CHRNA4: variants seen among roughly 807,000 people sequenced by gnomAD.
CHRNA4 encodes the protein neuronal acetylcholine receptor subunit alpha-4.
In CHRNA4, 28 loss-of-function variants were observed where a neutral mutation model predicts 48.9. The observed-to-expected ratio is 0.57, with a 90% confidence interval of 0.42 to 0.79. The LOEUF is 0.79. Among genes scored for constraint, CHRNA4 ranks in the 30% least tolerant of loss-of-function variants. The pLI is 0.00. For synonymous variants in CHRNA4, 425 were observed against 402.3 expected, an observed-to-expected ratio of 1.06 and a Z score of -0.68; for missense variants, 859 against 898.4, an observed-to-expected ratio of 0.96 and a Z score of 0.56.
rs1491525381 is a variant in CHRNA4 at position 63,351,216 on chromosome 20, G to GCCCACGTCCACA, written c.384-190_384-189insTGTGGACGTGGG. 3 of 424,884 alleles carry GCCCACGTCCACA rather than the reference G, an allele frequency of 7.1e-6. No individual in the cohort carries two copies. In the African/African-American group the frequency reaches 1.2e-4, roughly 16 times the overall value. The allele number at this position is 424,884 out of a possible 1,614,324, so 26.3% of individuals were successfully genotyped here. On this transcript the variant is annotated intron_variant, in intron 4 of 5. Coordinates refer to ENST00000370263, the MANE Select transcript of CHRNA4 (RefSeq NM_000744.7). The stretch of plus-strand genomic sequence containing the variant: ...CGCCCACATCCACACCCACGTCCAC[G>GCCCACGTCCACA]TCCACGCCCACATCCACACCCACGT...
chr20:63,344,615 C>T lies in CHRNA4; in HGVS notation c.*2123G>A, dbSNP rs200364373. On this transcript the variant is annotated 3_prime_UTR_variant, in exon 6 of 6. Coordinates refer to ENST00000370263, the MANE Select transcript of CHRNA4 (RefSeq NM_000744.7). This position sits in a 1 kb window ranked among gnomAD's most constrained non-coding sequence, Gnocchi z 4.5. ...TCACTCCTGACCCAGAAAAGAACAACCACAGCTGGGCCCAGCACCCCGGGC... is the reference window on the plus strand; with the variant it reads ...TCACTCCTGACCCAGAAAAGAACAATCACAGCTGGGCCCAGCACCCCGGGC... The T allele has an allele frequency of 4.4e-6, 2 of 453,660 alleles. No individual in the cohort carries two copies. Among genetic ancestry groups the T allele is most frequent in the South Asian group, 1.6e-5 (1 of 64,468 alleles). The allele number at this position is 453,660 out of a possible 1,614,324, so 28.1% of individuals were successfully genotyped here.
At chr20:63,353,689 A>AGG (rs2068656532) in intron 4 of CHRNA4, among the ~76,000 whole-genome samples, 1 of 12,026 alleles carries the variant, frequency 8.3e-5, no homozygotes. Context: ...CAGTCCTAGG[A>AGG]GGCTGTGGTC....
chr20:63,351,702 G>A (rs2068618913), intron 4 of CHRNA4, among the ~76,000 whole-genome samples: 1 of 152,238 alleles, frequency 6.6e-6, no homozygotes, highest in Non-Finnish European at 1.5e-5. Flanking sequence ...GGCTGCATAC[G>A]CACTGCCCAG....
Position 63,356,407 on chromosome 20 carries a change from C to G in CHRNA4, c.237G>C (p.Lys79Asn), listed in dbSNP as rs747023127. ...ATACGTTCGTGGTCATCATCTGGTT[C>G]TTCTCATCCTAGGGCACCGAGAGAG... Reference protein sequence around the residue: ...SIAQLIDVDEKNQMMTTNVWV... With the variant: ...SIAQLIDVDENNQMMTTNVWV... The change falls in exon 3 of 6, where the codon AAG becomes AAC. Residue 79 changes from lysine to asparagine, a missense_variant. Around this residue, in one of 3 missense-constraint regions of CHRNA4, gnomAD observed 342 missense variants for 365.3 expected, o/e 0.94. Transcript: ENST00000370263. The G allele has an allele frequency of 6.2e-7, 1 of 1,601,708 alleles. No homozygotes were observed. The highest frequency in any genetic ancestry group is 1.1e-5 in the South Asian group (1 of 88,678).
In CHRNA4 at chr20:63,356,072, AG is replaced by A; in HGVS notation, c.285del (p.Tyr96ThrfsTer43). 2 of 1,475,114 alleles carry A rather than the reference AG, an allele frequency of 1.4e-6. No homozygotes were observed. Among genetic ancestry groups the A allele is most frequent in the Non-Finnish European group, 1.8e-6 (2 of 1,098,198 alleles). 91.4% of individuals were successfully genotyped at this position (1,475,114 alleles called of 1,614,324 possible). On this transcript the variant is annotated frameshift_variant, in exon 4 of 6. Coordinates refer to ENST00000370263, the MANE Select transcript of CHRNA4 (RefSeq NM_000744.7). LOFTEE classifies it high-confidence loss of function. ...TNVWVKQEWH[D>X]YKLRWDPADY... ...TCAGCTGGGTCCCAGCGCAGCTTGT[AG>A]TCGTGCCACTCCTGGATGAGGTGGG...
rs918537239 is a variant in CHRNA4, at chr20:63,343,316, G to C, written c.*3422C>G. On this transcript the variant is annotated 3_prime_UTR_variant, in exon 6 of 6. Coordinates refer to ENST00000370263, the MANE Select transcript of CHRNA4 (RefSeq NM_000744.7). ...CATTGCCTGCAGAAGCCGGGCGGCC[G>C]CACCTGGGCTCGGCGGGCCACACGG... is the stretch of plus-strand genomic sequence containing the variant. The C allele has an allele frequency of 4.5e-6, 2 of 446,688 alleles. No individual in the cohort carries two copies. The highest frequency in any genetic ancestry group is 4.0e-5 in the African/African-American group (2 of 49,822). The allele number at this position is 446,688 out of a possible 1,614,324, so 27.7% of individuals were successfully genotyped here. A position where few individuals can be genotyped will look rare whatever the true frequency, so the allele number is the denominator to read the frequency against.
At chr20:63,358,927 C>T (rs954975704) in intron 2 of CHRNA4, among the ~76,000 whole-genome samples, 5 of 93,404 alleles carry the variant, frequency 5.4e-5, no homozygotes, top group Non-Finnish European at 8.7e-5. Context: ...CTCTCAGCCT[C>T]GAAGCCTCCT....
chr20:63,355,982 A>G lies in CHRNA4; in HGVS notation c.376T>C (p.Tyr126His). 1.2e-6 allele frequency: 2 copies of G among 1,611,970 alleles called. No individual in the cohort carries two copies. Among genetic ancestry groups the G allele is most frequent in the Non-Finnish European group, 1.7e-6 (2 of 1,179,576 alleles). The change falls in exon 4 of 6, where the codon TAC becomes CAC. Residue 126 changes from tyrosine to histidine, a missense_variant. Physicochemically the swap from Tyr to His is moderately conservative, Grantham distance 83. This residue lies in a region of CHRNA4 where 342 missense variants were observed against 365.3 expected (regional missense o/e 0.94). Coordinates refer to ENST00000370263, the MANE Select transcript of CHRNA4 (RefSeq NM_000744.7). ...TTGTTGTAGAGGACTCACTTGTTGT[A>G]GAGGACGATGTCCGGCCGCCAGATG... The part of the protein sequence containing the change: ...ELIWRPDIVL[Y>H]NNADGDFAVT...
intron 2 of CHRNA4, among the ~76,000 whole-genome samples, chr20:63,357,778 C>T (rs552526325): frequency 2.0e-5 from 3 of 152,270 alleles, no homozygotes; most frequent in African/African-American, 7.2e-5. Flanking sequence ...GGCCCTCGGC[C>T]TTGGGCACCC....
intron 2 of CHRNA4, 127 bp downstream of exon 2, chr20:63,359,421 C>T: frequency 8.0e-7 from 1 of 1,248,424 alleles, no homozygotes; most frequent in South Asian, 1.3e-5. Flanking sequence ...TCTGACGTAC[C>T]AGCCCGGGCC....
intron 4 of CHRNA4, chr20:63,355,550 G>T: frequency 7.7e-7 from 1 of 1,293,500 alleles, no homozygotes; most frequent in Non-Finnish European, 1.0e-6. Context: ...GCCAGGATGG[G>T]GTCTGATGGC....
chr20:63,345,717 C>A lies in CHRNA4; in HGVS notation c.*1021G>T. 1 of 452,966 alleles carries A rather than the reference C, an allele frequency of 2.2e-6. No individual in the cohort carries two copies. The highest frequency in any genetic ancestry group is 1.6e-5 in the South Asian group (1 of 64,448). The allele number at this position is 452,966 out of a possible 1,614,324, so 28.1% of individuals were successfully genotyped here. A position where few individuals can be genotyped will look rare whatever the true frequency, so the allele number is the denominator to read the frequency against. On this transcript the variant is annotated 3_prime_UTR_variant, in exon 6 of 6. Transcript: ENST00000370263. This position sits in a 1 kb window ranked among gnomAD's most constrained non-coding sequence, Gnocchi z 5.4. ...GTGGAGGTCCTCAAGGATGCCCCCA[C>A]CAGCTCCCCACAGCTACTGTAGCAG... is the stretch of plus-strand genomic sequence containing the variant.
Position 63,344,502 on chromosome 20 carries a change from A to AG in CHRNA4, c.*2235_*2236insC. 2.2e-6 allele frequency: 1 copy of AG among 453,184 alleles called. No homozygotes were observed. The highest frequency in any genetic ancestry group is 1.6e-5 in the South Asian group (1 of 64,398). The allele number at this position is 453,184 out of a possible 1,614,324, so 28.1% of individuals were successfully genotyped here. A position where few individuals can be genotyped will look rare whatever the true frequency, so the allele number is the denominator to read the frequency against. ...ATTTTTTTTTTGAGCCTCAAAAAAA[A>AG]AAAGAAAGGGAAAGGGGTCTTCCCC... On this transcript the variant is annotated 3_prime_UTR_variant, in exon 6 of 6. Transcript: ENST00000370263. This position sits in a 1 kb window ranked among gnomAD's most constrained non-coding sequence, Gnocchi z 4.5.
chr20:63,344,113 C>G lies in CHRNA4; in HGVS notation c.*2625G>C, dbSNP rs1346266287. On this transcript the variant is annotated 3_prime_UTR_variant, in exon 6 of 6. Coordinates refer to ENST00000370263, the MANE Select transcript of CHRNA4 (RefSeq NM_000744.7). The surrounding 1 kb of genome is among the most constrained non-coding windows in gnomAD (Gnocchi z 4.5). ...AGTTTATTCAGACAGAAGAACACTG[C>G]TCACAATTAAAAACGAAGGAACAGA... 1 of 454,144 alleles carries G rather than the reference C, an allele frequency of 2.2e-6. No homozygotes were observed. The allele number at this position is 454,144 out of a possible 1,614,324, so 28.1% of individuals were successfully genotyped here.
chr20:63,357,730 C>T (rs1030522717), intron 2 of CHRNA4, among the ~76,000 whole-genome samples: 17 of 152,220 alleles, frequency 1.1e-4, no homozygotes, highest in Non-Finnish European at 7.3e-5. Flanking sequence ...CTTAGGCCAG[C>T]ACCCAGGAGC....
In CHRNA4 at chr20:63,350,404, C is replaced by T. The variant is rs281865068; in HGVS notation, c.1007G>A (p.Arg336His). Residue 336 changes from arginine (R) to histidine (H), a missense_variant, in exon 5 of 6, where the codon CGC (arginine) becomes CAC (histidine). Transcript: ENST00000370263. ...FVLNVHHRSP[R>H]THTMPTWVRR... Reference sequence around the variant, plus strand: ...TACCCAGGTGGGCATGGTGTGCGTGCGTGGCGAGCGGTGGTGCACGTTGAG... The same window carrying T: ...TACCCAGGTGGGCATGGTGTGCGTGTGTGGCGAGCGGTGGTGCACGTTGAG... 8.1e-6 allele frequency: 13 copies of T among 1,613,706 alleles called. No homozygotes were observed. The highest frequency in any genetic ancestry group is 6.7e-5 in the East Asian group (3 of 44,880).
chr20:63,360,887 C>G (rs1367857975), intron 1 of CHRNA4: 3 of 428,712 alleles, frequency 7.0e-6, no homozygotes, highest in African/African-American at 4.1e-5. Context: ...CCGCATTCGC[C>G]GGCGGTCAAC....
intron 5 of CHRNA4, 86 bp from the exon 6 acceptor site, chr20:63,346,949 G>A: frequency 6.3e-7 from 1 of 1,586,862 alleles, no homozygotes; most frequent in Admixed American, 1.7e-5. Flanking sequence ...GCCGGCAACA[G>A]CTTCTCCACC....
intron 2 of CHRNA4, among the ~76,000 whole-genome samples, chr20:63,358,376 C>T (rs2068750948): frequency 6.6e-6 from 1 of 152,182 alleles, no homozygotes; most frequent in African/African-American, 2.4e-5. Context: ...GGCCCCAGGC[C>T]CAGGGTTACC....
Sources: allele counts gnomAD v4.1 joint callset (sites outside exome capture counted in the v4.1 genomes callset), GRCh38; gene constraint gnomAD v4.1.1; regional missense constraint gnomAD v4.1.1; non-coding constraint Gnocchi (gnomAD v3.1); transcripts MANE v1.5; gene names NCBI Gene and HGNC (gene_info 2026-07-23, HGNC 2026-07-21).